The following CMIP variants were observed in gnomAD, a reference collection of about 807,000 sequenced individuals.
CMIP encodes the protein C-Maf-inducing protein.
Under a neutral mutation model 97.3 loss-of-function variants are expected in CMIP, and 13 were observed. That is an observed-to-expected ratio of 0.13 (90% CI 0.09 to 0.21). The LOEUF (loss-of-function observed/expected upper bound fraction) is 0.21, where lower values mean the gene tolerates loss of function less well. Ranked by LOEUF, CMIP falls within the 10% of genes least tolerant of loss-of-function variation. CMIP has a pLI of 1.00. For missense variants in CMIP, 847 were observed against 1,024.9 expected (o/e 0.83, Z 2.37); for synonymous variants, 538 against 436.3 (o/e 1.23, Z -2.91).
intron 2 of CMIP, among the ~76,000 whole-genome samples, chr16:81,609,570 A>G (rs1411885051): frequency 6.6e-6 from 1 of 152,244 alleles, no homozygotes; most frequent in Non-Finnish European, 1.5e-5. Flanking sequence ...ACAAATGATT[A>G]CGGAAATAAT....
intron 8 of CMIP, 31 bp from the exon 9 acceptor site, chr16:81,671,935 C>A: frequency 7.8e-7 from 1 of 1,283,164 alleles, no homozygotes; most frequent in Non-Finnish European, 1.1e-6. Flanking sequence ...CTCCTGCAGG[C>A]TTCTCACCCC....
chr16:81,506,413 C>T (rs140223162), intron 1 of CMIP, among the ~76,000 whole-genome samples: 3 of 152,172 alleles, frequency 2.0e-5, no homozygotes, highest in Non-Finnish European at 2.9e-5. Context: ...TTATGCTCAG[C>T]CATTTCATTA....
At chr16:81,592,312 C>T (rs2091478321) in intron 1 of CMIP, among the ~76,000 whole-genome samples, 1 of 152,164 alleles carries the variant, frequency 6.6e-6, no homozygotes. Context: ...CATCCTTGTA[C>T]CCAAGCCTCC....
intron 3 of CMIP, among the ~76,000 whole-genome samples, chr16:81,636,888 G>A (rs2092244075): frequency 1.4e-5 from 2 of 145,678 alleles, no homozygotes; most frequent in South Asian, 2.1e-4. Context: ...TCATATATAT[G>A]TGTATGTCAA....
intron 10 of CMIP, 94 bp downstream of exon 10, chr16:81,678,722 G>A (rs879477084): frequency 3.2e-5 from 20 of 631,300 alleles, no homozygotes; most frequent in East Asian, 5.5e-5. Context: ...TTCGAGCTAC[G>A]CAGGGCCGGG....
intron 3 of CMIP, chr16:81,622,332 T>C (rs2092003397): frequency 6.6e-6 from 1 of 152,198 alleles, no homozygotes; most frequent in Admixed American, 6.5e-5. Context: ...GCTCGTGTGA[T>C]CAGCAGGTGC....
At chr16:81,472,543 C>A (rs1597457775) in intron 1 of CMIP, among the ~76,000 whole-genome samples, 1 of 152,346 alleles carries the variant, frequency 6.6e-6, no homozygotes, top group East Asian at 1.9e-4. Context: ...ACATGCCATG[C>A]CCTGTCCTAG....
At chr16:81,650,493 G>T (rs890759785) in intron 3 of CMIP, among the ~76,000 whole-genome samples, 1 of 151,932 alleles carries the variant, frequency 6.6e-6, no homozygotes, top group African/African-American at 2.4e-5. Flanking sequence ...TGGGCGGGGG[G>T]AATGAAAACC....
At chr16:81,477,172 T>C (rs1403062741) in intron 1 of CMIP, among the ~76,000 whole-genome samples, 1 of 152,126 alleles carries the variant, frequency 6.6e-6, no homozygotes, top group Non-Finnish European at 1.5e-5. Context: ...CTCTTTTTTT[T>C]TGAAATGGAA....
chr16:81,611,542 G>C (rs1236521384), intron 2 of CMIP: 2 of 152,892 alleles, frequency 1.3e-5, no homozygotes, highest in African/African-American at 2.4e-5. Context: ...TCTCTCTCAT[G>C]CCTTTTCTCC....
At chr16:81,478,665 C>T (rs1487681757) in intron 1 of CMIP, among the ~76,000 whole-genome samples, 1 of 152,206 alleles carries the variant, frequency 6.6e-6, no homozygotes, top group Non-Finnish European at 1.5e-5. Context: ...ACCCCAGAGC[C>T]TCCCGGTGGG....
At chr16:81,639,777 C>G (rs956119219) in intron 3 of CMIP, among the ~76,000 whole-genome samples, 7 of 152,172 alleles carry the variant, frequency 4.6e-5, no homozygotes, top group Admixed American at 1.3e-4. Context: ...TCTGCCTGCC[C>G]CCAACACCAG....
chr16:81,663,400 G>A (rs1253785719), intron 6 of CMIP, among the ~76,000 whole-genome samples: 1 of 152,142 alleles, frequency 6.6e-6, no homozygotes, highest in Admixed American at 6.5e-5. Context: ...CACACTGCAC[G>A]ATTCCAACTA....
chr16:81,591,235 G>T (rs905730457), intron 1 of CMIP, among the ~76,000 whole-genome samples: 5 of 126,670 alleles, frequency 3.9e-5, no homozygotes, highest in Non-Finnish European at 9.6e-5. Flanking sequence ...TGGGTCATTC[G>T]TGGGGAGATG....
chr16:81,703,756 C>T (rs1324681826), intron 17 of CMIP, 183 bp from the exon 18 acceptor site: 11 of 741,836 alleles, frequency 1.5e-5, no homozygotes, highest in Non-Finnish European at 2.3e-5. Flanking sequence ...GCCCCTCCCT[C>T]TCTGGCCACC....
intron 3 of CMIP, among the ~76,000 whole-genome samples, chr16:81,632,390 C>T (rs2092175004): frequency 3.3e-5 from 5 of 152,198 alleles, no homozygotes; most frequent in Admixed American, 3.3e-4. Context: ...TTGTAAACAC[C>T]ACGCAGACTT....
At chr16:81,512,239 C>G (rs975970284) in intron 1 of CMIP, among the ~76,000 whole-genome samples, 1 of 152,154 alleles carries the variant, frequency 6.6e-6, no homozygotes, top group African/African-American at 2.4e-5. Context: ...TGATTCCTCT[C>G]TAGGTAGGTG....
At chr16:81,545,702 G>A (rs185013200) in intron 1 of CMIP, among the ~76,000 whole-genome samples, 37 of 152,260 alleles carry the variant, frequency 2.4e-4, no homozygotes, top group Admixed American at 7.2e-4. Flanking sequence ...TCTAGAATCC[G>A]AACCCTCCTC....
At chr16:81,483,257 G>C (rs930265880) in intron 1 of CMIP, among the ~76,000 whole-genome samples, 5 of 152,226 alleles carry the variant, frequency 3.3e-5, no homozygotes, top group Non-Finnish European at 5.9e-5. Context: ...AGGCCATGGG[G>C]CAGCGGCTAA....
Sources: gnomAD v4.1 joint callset for allele counts (sites outside exome capture counted in the v4.1 genomes callset) on GRCh38, gnomAD v4.1.1 for gene constraint, MANE v1.5 for transcripts, NCBI Gene and HGNC (gene_info 2026-07-23, HGNC 2026-07-21) for gene names.